Variants in TMEM64 observed in about 807,000 individuals in gnomAD.
The protein encoded by TMEM64 is transmembrane protein 64.
A neutral mutation model predicts 24.5 loss-of-function variants in TMEM64; 19 were observed. The observed-to-expected ratio is 0.78, with a 90% confidence interval of 0.54 to 1.14. The LOEUF is 1.14. Ranked by LOEUF, TMEM64 falls within the 50% of genes most tolerant of loss-of-function variation. The pLI is 0.00. For synonymous variants in TMEM64, 262 were observed against 224.7 expected (o/e 1.17, Z -1.49); for missense variants, 487 against 493.0 (o/e 0.99, Z 0.12).
rs74867114 is a variant in TMEM64 at position 90,626,107 on chromosome 8, T to C, written c.952-245A>G. 2.9e-3 allele frequency among the ~76,000 whole-genome samples: 444 copies of C among 152,300 alleles called. 2 individuals are homozygous for C. Among genetic ancestry groups the C allele is most frequent in the African/African-American group, 9.7e-3 (405 of 41,546 alleles). ...GACATGGTATTAGGAAAACACACAT[T>C]CCTTTTGGTTCACTTGATACAAGCC... On this transcript the variant is annotated intron_variant, in intron 2 of 2. Transcript: ENST00000458549.
chr8:90,642,836 G>A (rs1376857972), intron 1 of TMEM64, among the ~76,000 whole-genome samples: 1 of 152,128 alleles, frequency 6.6e-6, no homozygotes, highest in Admixed American at 6.5e-5. Flanking sequence ...TTGGTAGGTG[G>A]GTGACTGAAG....
Position 90,623,983 on chromosome 8 carries a change from G to T in TMEM64, c.*1688C>A, listed in dbSNP as rs1357185968. 1 of 151,564 alleles carries T rather than the reference G, an allele frequency of 6.6e-6. No individual in the cohort carries two copies. The highest frequency in any genetic ancestry group is 1.5e-5 in the Non-Finnish European group (1 of 67,860). 9.4% of individuals were successfully genotyped at this position (151,564 alleles called of 1,614,324 possible). ...TAATTAGGATTCAAAAAGAATAAGG[G>T]TATTACAATACTATATCTGTTTTCC... On this transcript the variant is annotated 3_prime_UTR_variant, in exon 3 of 3. Transcript: ENST00000458549.
chr8:90,644,537 C>T (rs1809657371), intron 1 of TMEM64, among the ~76,000 whole-genome samples: 1 of 152,170 alleles, frequency 6.6e-6, no homozygotes, highest in East Asian at 1.9e-4. Flanking sequence ...AATGAAGTTC[C>T]TCCAAAGAAA....
At chr8:90,632,177 T>G (rs1046794819) in intron 1 of TMEM64, among the ~76,000 whole-genome samples, 1 of 152,186 alleles carries the variant, frequency 6.6e-6, no homozygotes, top group African/African-American at 2.4e-5. Flanking sequence ...ATCAGAGTCT[T>G]GCTCTGTCGC....
chr8:90,630,329 G>A (rs1809418856), intron 2 of TMEM64, among the ~76,000 whole-genome samples: 1 of 151,830 alleles, frequency 6.6e-6, no homozygotes, highest in Non-Finnish European at 1.5e-5. Flanking sequence ...TTGTTGTATT[G>A]TTATTTTTAA....
chr8:90,630,279 G>A (rs957526578), intron 2 of TMEM64, among the ~76,000 whole-genome samples: 1 of 152,074 alleles, frequency 6.6e-6, no homozygotes, highest in Non-Finnish European at 1.5e-5. Flanking sequence ...TGATGTAAAT[G>A]CTATGTAGTT....
chr8:90,644,443 A>T (rs1809655470), intron 1 of TMEM64, among the ~76,000 whole-genome samples: 1 of 152,236 alleles, frequency 6.6e-6, no homozygotes, highest in African/African-American at 2.4e-5. Context: ...AAGAGTCTAT[A>T]ATGGTGCAGA....
intron 1 of TMEM64, among the ~76,000 whole-genome samples, chr8:90,640,580 A>C (rs1809590116): frequency 6.6e-6 from 1 of 152,194 alleles, no homozygotes; most frequent in African/African-American, 2.4e-5. Context: ...ACAGAACCAG[A>C]AGACCCCATA....
intron 1 of TMEM64, among the ~76,000 whole-genome samples, chr8:90,635,677 A>G (rs1809508482): frequency 6.6e-6 from 1 of 152,204 alleles, no homozygotes; most frequent in Non-Finnish European, 1.5e-5. Flanking sequence ...TCCTTCTTCA[A>G]TTTAGAGCAC....
rs375262988 is a variant in TMEM64 at position 90,625,689 on chromosome 8, A to C, written c.1125T>G (p.Gly375=). 6.8e-6 allele frequency: 11 copies of C among 1,613,588 alleles called. No homozygotes were observed. The African/African-American group carries it at 1.5e-4, about 22-fold the overall frequency. The part of the protein sequence containing the change: ...YNKRTLTFSG[G]GINVV Reference sequence around the variant, plus strand: ...ATTAGAATCATACAACATTGATTCCACCTCCAGAAAATGTTAGGGTCCTCT... The same window carrying C: ...ATTAGAATCATACAACATTGATTCCCCCTCCAGAAAATGTTAGGGTCCTCT... The change falls in exon 3 of 3, where the codon GGT becomes GGG. Residue 375 remains glycine (G), a synonymous_variant. Coordinates refer to ENST00000458549, the MANE Select transcript of TMEM64 (RefSeq NM_001008495.4).
chr8:90,631,617 G>A lies in TMEM64; in HGVS notation c.886C>T (p.Leu296=). The A allele has an allele frequency of 6.2e-7, 1 of 1,613,752 alleles. No homozygotes were observed. The highest frequency in any genetic ancestry group is 8.5e-7 in the Non-Finnish European group (1 of 1,179,718). ...QLLNSYLGTT[L]RTMEDVIAEQ... ...GCAATGACATCTTCCATTGTCCGCA[G>A]GGTGGTACCCAAGTAAGAATTCAGA... The change falls in exon 2 of 3, where the codon CTG becomes TTG. Residue 296 remains leucine (L), a synonymous_variant. Transcript: ENST00000458549.
chr8:90,627,640 G>A (rs993430373), intron 2 of TMEM64, among the ~76,000 whole-genome samples: 14 of 152,056 alleles, frequency 9.2e-5, no homozygotes, highest in Admixed American at 3.9e-4. Flanking sequence ...GAGGGCAGGC[G>A]GAGGGTCTTG....
At position 90,623,312 on chromosome 8, in the gene TMEM64, A is replaced by G. The variant is rs1054218314; in HGVS notation, c.*2359T>C. ...TGGACAACATAAAAGTATCCTGTAG[A>G]TATGTGTTGCTGCCATAAATCTGGG... On this transcript the variant is annotated 3_prime_UTR_variant, in exon 3 of 3. Coordinates refer to ENST00000458549, the MANE Select transcript of TMEM64 (RefSeq NM_001008495.4). 2 of 152,156 alleles carry G rather than the reference A, an allele frequency of 1.3e-5. No homozygotes were observed. Among genetic ancestry groups the G allele is most frequent in the Non-Finnish European group, 2.9e-5 (2 of 68,006 alleles). The allele number at this position is 152,156 out of a possible 1,614,324, so 9.4% of individuals were successfully genotyped here.
At chr8:90,629,120 T>C (rs1228965870) in intron 2 of TMEM64, among the ~76,000 whole-genome samples, 1 of 152,196 alleles carries the variant, frequency 6.6e-6, no homozygotes, top group Non-Finnish European at 1.5e-5. Flanking sequence ...TTTGTATATA[T>C]TTTGTAAGCT....
chr8:90,644,883 A>T (rs1372549970), intron 1 of TMEM64, among the ~76,000 whole-genome samples: 1 of 152,224 alleles, frequency 6.6e-6, no homozygotes, highest in East Asian at 1.9e-4. Context: ...TCCCATCCCT[A>T]AAAGAAACAT....
intron 2 of TMEM64, among the ~76,000 whole-genome samples, chr8:90,630,491 C>T (rs188029805): frequency 1.7e-4 from 26 of 152,092 alleles, no homozygotes; most frequent in Admixed American, 7.9e-4. Context: ...ACTTATTAGT[C>T]GGGACTTTAA....
chr8:90,638,806 C>T (rs1215054500), intron 1 of TMEM64, among the ~76,000 whole-genome samples: 1 of 152,052 alleles, frequency 6.6e-6, no homozygotes, highest in African/African-American at 2.4e-5. Flanking sequence ...GCCAAACACA[C>T]AGAAAAAATG....
chr8:90,637,542 C>A (rs1389665882), intron 1 of TMEM64, among the ~76,000 whole-genome samples: 7 of 151,866 alleles, frequency 4.6e-5, no homozygotes, highest in Middle Eastern at 3.2e-3. Context: ...TGCTTATTAA[C>A]AAAGTTACTG....
At position 90,645,800 on chromosome 8, in the gene TMEM64, C is replaced by A; in HGVS notation, c.106G>T (p.Gly36Cys). Residue 36 changes from glycine (G) to cysteine (C), a missense_variant, in exon 1 of 3, where the codon GGT becomes TGT. Physicochemically the swap from Gly to Cys is radical, Grantham distance 159 (BLOSUM62 -3). Coordinates refer to ENST00000458549, the MANE Select transcript of TMEM64 (RefSeq NM_001008495.4). The surrounding 1 kb of genome is among the most constrained non-coding windows in gnomAD (Gnocchi z 4.2). Reference sequence around the variant, plus strand: ...TCCGCCGGGCCGTCCCCGCCCGCACCCCGCGGCAGGGCCCAGCGGGCCGGC... The same window carrying A: ...TCCGCCGGGCCGTCCCCGCCCGCACACCGCGGCAGGGCCCAGCGGGCCGGC... Reference protein sequence around the residue: ...ELPARWALPRGAGGDGPADRL... With the variant: ...ELPARWALPRCAGGDGPADRL... The A allele has an allele frequency of 9.7e-7, 1 of 1,025,960 alleles. No homozygotes were observed. Among genetic ancestry groups the A allele is most frequent in the Non-Finnish European group, 1.2e-6 (1 of 858,324 alleles). The allele number at this position is 1,025,960 out of a possible 1,614,324, so 63.6% of individuals were successfully genotyped here. A position where few individuals can be genotyped will look rare whatever the true frequency, so the allele number is the denominator to read the frequency against.
Sources: gnomAD v4.1 joint callset for allele counts (sites outside exome capture counted in the v4.1 genomes callset) on GRCh38, gnomAD v4.1.1 for gene constraint, Gnocchi (gnomAD v3.1) non-coding constraint, MANE v1.5 for transcripts, NCBI Gene and HGNC (gene_info 2026-07-23, HGNC 2026-07-21) for gene names.